RSRC1: variants seen among roughly 807,000 people sequenced by gnomAD.
RSRC1 encodes the protein arginine and serine rich coiled-coil 1.
RSRC1 carries 39 observed loss-of-function variants against 49.1 expected under a neutral mutation model. The observed-to-expected ratio is 0.79, with a 90% CI of 0.61 to 1.04. The LOEUF is 1.04. Ranked by LOEUF, RSRC1 falls within the 50% of genes least tolerant of loss-of-function variation. The pLI is 0.00. For missense variants in RSRC1, 388 were observed against 402.4 expected (o/e 0.96, Z 0.31); for synonymous variants, 143 against 130.8 (o/e 1.09, Z -0.63).
At chr3:158,174,579 G>T (rs1302323723) in intron 3 of RSRC1, among the ~76,000 whole-genome samples, 3 of 151,912 alleles carry the variant, frequency 2.0e-5, no homozygotes, top group Admixed American at 1.3e-4. Context: ...AATCCATTTA[G>T]AAGTTTTGGC....
At chr3:158,233,724 A>G (rs1007265772) in intron 4 of RSRC1, among the ~76,000 whole-genome samples, 10 of 152,134 alleles carry the variant, frequency 6.6e-5, no homozygotes, top group Admixed American at 5.9e-4. Flanking sequence ...ACCCCTGATC[A>G]TTTCTTTTTA....
chr3:158,320,547 G>A (rs1280476368), intron 5 of RSRC1, among the ~76,000 whole-genome samples: 2 of 152,058 alleles, frequency 1.3e-5, no homozygotes, highest in Non-Finnish European at 2.9e-5. Flanking sequence ...TAGTGATACC[G>A]AGAGATTATA....
At chr3:158,124,026 A>G in intron 3 of RSRC1, 35 bp downstream of exon 3, 2 of 1,407,062 alleles carry the variant, frequency 1.4e-6, no homozygotes, top group Middle Eastern at 1.9e-4. Flanking sequence ...CTTTGTAACA[A>G]ATTATTCCCA....
chr3:158,347,094 A>C (rs1483399466), intron 5 of RSRC1, among the ~76,000 whole-genome samples: 2 of 152,226 alleles, frequency 1.3e-5, no homozygotes, highest in Non-Finnish European at 2.9e-5. Flanking sequence ...TAGGAGTAAC[A>C]CATGTGCTTG....
intron 5 of RSRC1, among the ~76,000 whole-genome samples, chr3:158,303,996 T>A (rs1205823976): frequency 6.6e-6 from 1 of 152,174 alleles, no homozygotes; most frequent in African/African-American, 2.4e-5. Flanking sequence ...GGATTTGTTT[T>A]CTATTAATAG....
chr3:158,414,020 G>A (rs1048019758), intron 6 of RSRC1, among the ~76,000 whole-genome samples: 2 of 151,932 alleles, frequency 1.3e-5, no homozygotes, highest in African/African-American at 4.8e-5. Context: ...TATACACTGG[G>A]TATATACCCA....
In RSRC1 at chr3:158,376,147, C is replaced by G. The variant is rs572874383; in HGVS notation, c.583+21239C>G. ...TCCTGGAAAGAATATATCCCTCCCTCCCTCCCTCCCTCCCTCCCTCCCTTC... is the reference window on the plus strand; with the variant it reads ...TCCTGGAAAGAATATATCCCTCCCTGCCTCCCTCCCTCCCTCCCTCCCTTC... On this transcript the variant is annotated intron_variant, in intron 6 of 9. Coordinates refer to ENST00000611884, the MANE Select transcript of RSRC1 (RefSeq NM_001271838.2). Among the ~76,000 whole-genome samples, 9 of 95,038 alleles carry G rather than the reference C, an allele frequency of 9.5e-5. No individual in the cohort carries two copies. The South Asian group carries it at 4.2e-3, about 45-fold the overall frequency. The allele number at this position is 95,038 out of a possible 152,430, so 62.3% of individuals were successfully genotyped here. A position where few individuals can be genotyped will look rare whatever the true frequency, so the allele number is the denominator to read the frequency against.
At chr3:158,191,885 T>A (rs1421190129) in intron 3 of RSRC1, among the ~76,000 whole-genome samples, 1 of 152,046 alleles carries the variant, frequency 6.6e-6, no homozygotes, top group Non-Finnish European at 1.5e-5. Flanking sequence ...GTTAATAAAG[T>A]AAATGGAGTT....
intron 1 of RSRC1, among the ~76,000 whole-genome samples, chr3:158,120,178 T>G (rs1376640695): frequency 6.6e-6 from 1 of 152,220 alleles, no homozygotes. Context: ...ATCTTTTACC[T>G]ATTGTAGTTT....
chr3:158,280,425 T>C (rs909474973), intron 4 of RSRC1, among the ~76,000 whole-genome samples: 1 of 152,162 alleles, frequency 6.6e-6, no homozygotes, highest in African/African-American at 2.4e-5. Flanking sequence ...TGCGTTGGTT[T>C]TTATACCTGT....
rs1444014178 is a variant in RSRC1, at chr3:158,268,380, C to T, written c.495-29659C>T. Among the ~76,000 whole-genome samples the T allele has an allele frequency of 2.0e-5, 3 of 152,278 alleles. No individual in the cohort carries two copies. In the East Asian group the frequency reaches 5.8e-4, roughly 29 times the overall value. On this transcript the variant is annotated intron_variant, in intron 4 of 9. Coordinates refer to ENST00000611884, the MANE Select transcript of RSRC1 (RefSeq NM_001271838.2). Reference sequence around the variant, plus strand: ...TTTAGCTGTTAGTCAAGGGTTTTGACTTAATTTATATTCAGATTTGGATCA... The same window carrying T: ...TTTAGCTGTTAGTCAAGGGTTTTGATTTAATTTATATTCAGATTTGGATCA...
At chr3:158,420,011 GCT>G (rs1290074470) in intron 6 of RSRC1, among the ~76,000 whole-genome samples, 1 of 151,380 alleles carries the variant, frequency 6.6e-6, no homozygotes, top group East Asian at 2.0e-4. Context: ...CTCCCTCACT[GCT>G]CTCTCCCCCC....
chr3:158,202,258 G>C (rs1002225033), intron 3 of RSRC1, among the ~76,000 whole-genome samples: 1 of 151,988 alleles, frequency 6.6e-6, no homozygotes, highest in African/African-American at 2.4e-5. Context: ...CAAGTGATCT[G>C]CCCGCCTTGG....
chr3:158,424,911 G>A (rs1735316095), intron 6 of RSRC1, among the ~76,000 whole-genome samples: 1 of 151,558 alleles, frequency 6.6e-6, no homozygotes, highest in Non-Finnish European at 1.5e-5. Flanking sequence ...TATTTCTGTG[G>A]GATCGGTGGT....
chr3:158,354,512 AT>A (rs1731054247), intron 5 of RSRC1, among the ~76,000 whole-genome samples: 1 of 152,174 alleles, frequency 6.6e-6, no homozygotes. Context: ...ATTCTCATAG[AT>A]TGCTTGCCTG....
intron 3 of RSRC1, among the ~76,000 whole-genome samples, chr3:158,194,544 C>T (rs141988268): frequency 0.034 from 4,897 of 146,144 alleles, 95 homozygotes; most frequent in Non-Finnish European, 0.048. Flanking sequence ...ATGTGCACAA[C>T]GTGCAGGTTT....
chr3:158,168,113 A>G (rs747295082), intron 3 of RSRC1, among the ~76,000 whole-genome samples: 1 of 152,144 alleles, frequency 6.6e-6, no homozygotes, highest in Non-Finnish European at 1.5e-5. Flanking sequence ...TAATTTGTTT[A>G]TTGTCTGTGG....
At chr3:158,384,041 CTTTA>C (rs1732843597) in intron 6 of RSRC1, among the ~76,000 whole-genome samples, 1 of 149,820 alleles carries the variant, frequency 6.7e-6, no homozygotes, top group Admixed American at 6.6e-5. Context: ...TGACTAGTTT[CTTTA>C]TGAAGTAGCC....
chr3:158,198,844 A>T (rs1231259207), intron 3 of RSRC1, among the ~76,000 whole-genome samples: 4 of 152,170 alleles, frequency 2.6e-5, no homozygotes, highest in African/African-American at 9.7e-5. Context: ...ACATTGAGAA[A>T]GTTTGTGGGT....
Sources: gnomAD v4.1 joint callset for allele counts (sites outside exome capture counted in the v4.1 genomes callset) on GRCh38, gnomAD v4.1.1 for gene constraint, MANE v1.5 for transcripts, NCBI Gene and HGNC (gene_info 2026-07-23, HGNC 2026-07-21) for gene names.